Variants in LRRC37A3 observed in about 807,000 individuals in gnomAD.
LRRC37A3 encodes leucine rich repeat containing 37 member A3.
A neutral mutation model predicts 106.2 loss-of-function variants in LRRC37A3; 25 were observed. The ratio of observed to expected loss-of-function variants is 0.24; its 90% confidence interval spans 0.17 to 0.33. LRRC37A3 has a LOEUF of 0.33. Among genes scored for constraint, LRRC37A3 ranks in the 10% least tolerant of loss-of-function variants. The pLI is 1.00. For missense variants in LRRC37A3, 712 were observed against 1,644.9 expected (o/e 0.43, Z 9.81); for synonymous variants, 305 against 635.8 (o/e 0.48, Z 7.83).
rs745685983 is a variant in LRRC37A3 at position 64,877,312 on chromosome 17, CT to C, written c.2907-8147del. On this transcript the variant is annotated intron_variant, in intron 8 of 14. Transcript: ENST00000584306. ...CACCTCCCGGGTTCAAGTGATTCTC[CT>C]ACCTCAGCCTCCTGAGTAGCTGGGA... is the stretch of plus-strand genomic sequence containing the variant. Among the ~76,000 whole-genome samples, 246 of 152,286 alleles carry C rather than the reference CT, an allele frequency of 1.6e-3. 1 individual carries two copies. The highest frequency in any genetic ancestry group is 2.6e-3 in the Non-Finnish European group (180 of 68,018).
intron 8 of LRRC37A3, among the ~76,000 whole-genome samples, chr17:64,875,368 T>C (rs1415462642): frequency 6.6e-6 from 1 of 152,228 alleles, no homozygotes; most frequent in African/African-American, 2.4e-5. Flanking sequence ...CCAATAATTC[T>C]ATACCTGGCA....
intron 2 of LRRC37A3, among the ~76,000 whole-genome samples, chr17:64,915,623 A>G (rs1974686162): frequency 6.6e-6 from 1 of 152,260 alleles, no homozygotes; most frequent in African/African-American, 2.4e-5. Flanking sequence ...ATGAACACCA[A>G]ATGTGTAAAA....
In LRRC37A3 at chr17:64,896,798, G is replaced by T. The variant is rs763629368; in HGVS notation, c.460C>A (p.Pro154Thr). ...PVSPKKLKKD[P>T]AQRWSLAEII... ...TCAGCAAGGCTCCAACGCTGAGCTG[G>T]ATCTTTCTTCAGCTTCTTGGGCGAA... is the stretch of plus-strand genomic sequence containing the variant. The change falls in exon 4 of 15, where the codon CCA becomes ACA. Residue 154 changes from proline to threonine, a missense_variant. Coordinates refer to ENST00000584306, the MANE Select transcript of LRRC37A3 (RefSeq NM_199340.5). 15 of 1,609,278 alleles carry T rather than the reference G, an allele frequency of 9.3e-6. 1 individual carries two copies. The African/African-American group carries it at 1.3e-4, about 14-fold the overall frequency.
At chr17:64,866,302 G>A (rs1369613078) in intron 10 of LRRC37A3, among the ~76,000 whole-genome samples, 1 of 151,884 alleles carries the variant, frequency 6.6e-6, no homozygotes. Context: ...AGGAAAGTGA[G>A]GCTAGAGCAG....
At chr17:64,919,291 G>A (rs1404729711) in intron 1 of LRRC37A3, 140 bp downstream of exon 1, 76 of 761,422 alleles carry the variant, frequency 1.0e-4, no homozygotes, top group Non-Finnish European at 2.0e-5. Context: ...AAGGGAAAGC[G>A]GCCGGGAAGG....
At chr17:64,866,609 TATATATATATATATATA>T (rs1567766545) in intron 10 of LRRC37A3, among the ~76,000 whole-genome samples, 3 of 20,206 alleles carry the variant, frequency 1.5e-4, no homozygotes, top group Non-Finnish European at 2.4e-4. Flanking sequence ...TATATATATA[TATATATATATATATATA>T]TATTTTTTTT....
At chr17:64,873,423 G>C (rs1158355254) in intron 8 of LRRC37A3, among the ~76,000 whole-genome samples, 1 of 152,218 alleles carries the variant, frequency 6.6e-6, no homozygotes, top group African/African-American at 2.4e-5. Context: ...GCCTCCCAAA[G>C]TGCTGGGGTT....
intron 8 of LRRC37A3, among the ~76,000 whole-genome samples, chr17:64,872,588 A>G (rs1311623276): frequency 2.0e-5 from 3 of 152,244 alleles, no homozygotes; most frequent in East Asian, 3.8e-4. Context: ...TTGGAAAACA[A>G]TTACAGACAA....
At chr17:64,871,416 T>A (rs1973307553) in intron 8 of LRRC37A3, 1 of 152,226 alleles carries the variant, frequency 6.6e-6, no homozygotes, top group South Asian at 2.1e-4. Flanking sequence ...TCTCTTTTTA[T>A]GTCTTTCCCC....
chr17:64,861,231 G>A (rs527689043), intron 11 of LRRC37A3, among the ~76,000 whole-genome samples: 27 of 152,182 alleles, frequency 1.8e-4, no homozygotes, highest in South Asian at 6.2e-4. Flanking sequence ...GGATTATTTC[G>A]TTGATCCCCA....
chr17:64,860,229 C>A lies in LRRC37A3; in HGVS notation c.3917G>T (p.Arg1306Leu), dbSNP rs764013252. The change falls in exon 12 of 15, where the codon CGC becomes CTC. Residue 1306 changes from arginine to leucine, a missense_variant. Transcript: ENST00000584306. ...KPIVHSRKKY[R>L]FHKTRSRMTH... The stretch of plus-strand genomic sequence containing the variant: ...CATGCGGGAGCGAGTTTTGTGAAAG[C>A]GGTATTTTTTTCTGGAATGTACGAT... The A allele has an allele frequency of 3.1e-6, 5 of 1,613,788 alleles. No homozygotes were observed. In the African/African-American group the frequency reaches 6.7e-5, roughly 22 times the overall value.
chr17:64,887,486 C>T lies in LRRC37A3; in HGVS notation c.2754-600G>A, dbSNP rs1188676701. 7.3e-5 allele frequency among the ~76,000 whole-genome samples: 4 copies of T among 54,694 alleles called. 2 individuals carry two copies. The Admixed American group carries it at 1.0e-3, about 14-fold the overall frequency. The allele number at this position is 54,694 out of a possible 152,430, so 35.9% of individuals were successfully genotyped here. On this transcript the variant is annotated intron_variant, in intron 6 of 14. Transcript: ENST00000584306. ...TTGCACCACTGCACTCCAGCCTGGG[C>T]GACAGAGCGAGATTCCGTCTCAAAC...
rs529634202 is a variant in LRRC37A3 at position 64,858,006 on chromosome 17, C to T, written c.4809+773G>A. Among the ~76,000 whole-genome samples, 26 of 152,316 alleles carry T rather than the reference C, an allele frequency of 1.7e-4. No individual in the cohort carries two copies. The South Asian group carries it at 2.9e-3, about 17-fold the overall frequency. On this transcript the variant is annotated intron_variant, in intron 13 of 14. Transcript: ENST00000584306. ...TGGGAAAAGTAATACATCATGTAAT[C>T]GAACAAAAGACAGAGGCAAGCTCCA...
intron 10 of LRRC37A3, among the ~76,000 whole-genome samples, chr17:64,865,023 A>G (rs1973010697): frequency 6.6e-6 from 1 of 152,228 alleles, no homozygotes; most frequent in Non-Finnish European, 1.5e-5. Flanking sequence ...TAAAGGAACA[A>G]TCACAAGTGA....
chr17:64,872,525 T>C (rs144545062), intron 8 of LRRC37A3, among the ~76,000 whole-genome samples: 1,930 of 152,322 alleles, frequency 0.013, 41 homozygotes, highest in African/African-American at 0.044. Context: ...TCTGTCTTTA[T>C]TTGACCAGAA....
At position 64,897,432 on chromosome 17, in the gene LRRC37A3, A is replaced by T; in HGVS notation, c.-175T>A. On this transcript the variant is annotated 5_prime_UTR_variant, in exon 4 of 15. Coordinates refer to ENST00000584306, the MANE Select transcript of LRRC37A3 (RefSeq NM_199340.5). ...GCCGGAGCACCCCTCTCCTCCCCTT[A>T]GTGAGGAAGGATTTGGGCCTCAGAT... 1 of 1,425,540 alleles carries T rather than the reference A, an allele frequency of 7.0e-7. No homozygotes were observed. The highest frequency in any genetic ancestry group is 9.2e-7 in the Non-Finnish European group (1 of 1,082,874). 88.3% of individuals were successfully genotyped at this position (1,425,540 alleles called of 1,614,324 possible). A position where few individuals can be genotyped will look rare whatever the true frequency, so the allele number is the denominator to read the frequency against.
At chr17:64,861,566 A>C (rs1972872748) in intron 11 of LRRC37A3, among the ~76,000 whole-genome samples, 1 of 152,222 alleles carries the variant, frequency 6.6e-6, no homozygotes, top group Non-Finnish European at 1.5e-5. Flanking sequence ...CCATCACAGA[A>C]GATGCGACAT....
rs954719488 is a variant in LRRC37A3, at chr17:64,854,759, C to T, written c.4860-115G>A. ...AGGGCCCCGTCATTTACCCAGGGTC[C>T]CTGTTGAGGATCTTGTCCTCATTAG... On this transcript the variant is annotated intron_variant, in intron 14 of 14. Transcript: ENST00000584306. The T allele has an allele frequency of 1.9e-6, 3 of 1,611,864 alleles. No homozygotes were observed. The South Asian group carries it at 3.3e-5, about 18-fold the overall frequency.
At chr17:64,913,514 C>A (rs2143631568) in intron 2 of LRRC37A3, among the ~76,000 whole-genome samples, 1 of 151,130 alleles carries the variant, frequency 6.6e-6, no homozygotes, top group Admixed American at 6.6e-5. Context: ...CTATTTTTCT[C>A]TTTTTAGTAG....
Sources: gnomAD v4.1 joint callset for allele counts (sites outside exome capture counted in the v4.1 genomes callset) on GRCh38, gnomAD v4.1.1 for gene constraint, MANE v1.5 for transcripts, NCBI Gene and HGNC (gene_info 2026-07-23, HGNC 2026-07-21) for gene names.